Variants in RYR2 observed in about 807,000 individuals in gnomAD.
RYR2 encodes ryanodine receptor 2, also known as cardiac muscle ryanodine receptor-calcium release channel.
RYR2 carries 227 observed loss-of-function variants against 601.1 expected under a neutral mutation model. The observed-to-expected ratio is 0.38, with a 90% confidence interval of 0.34 to 0.42. The LOEUF is 0.42. Ranked by LOEUF, RYR2 falls within the 10% of genes least tolerant of loss-of-function variation. RYR2 has a pLI of 1.00. For synonymous variants in RYR2, 2,223 were observed against 2,175.1 expected (o/e 1.02, Z -0.61); for missense variants, 4,646 against 6,156.5 (o/e 0.75, Z 8.21).
chr1:237,190,449 G>A (rs1010692674), intron 1 of RYR2, among the ~76,000 whole-genome samples: 12 of 151,984 alleles, frequency 7.9e-5, no homozygotes, highest in African/African-American at 2.7e-4. Context: ...TCAAAATCAG[G>A]GTTTTTTGGT....
intron 1 of RYR2, among the ~76,000 whole-genome samples, chr1:237,098,303 T>C (rs1218035463): frequency 6.6e-6 from 1 of 152,164 alleles, no homozygotes; most frequent in Non-Finnish European, 1.5e-5. Context: ...AATGTACATA[T>C]GATGTTTTGA....
At chr1:237,581,043 A>T (rs1673861609) in intron 29 of RYR2, among the ~76,000 whole-genome samples, 1 of 152,192 alleles carries the variant, frequency 6.6e-6, no homozygotes, top group Non-Finnish European at 1.5e-5. Flanking sequence ...TGCATCCCCT[A>T]CTAAGCTAGT....
intron 2 of RYR2, among the ~76,000 whole-genome samples, chr1:237,330,131 A>G (rs920753081): frequency 6.6e-6 from 1 of 152,180 alleles, no homozygotes; most frequent in African/African-American, 2.4e-5. Context: ...TTAGAAATGA[A>G]TGTATGAGAG....
intron 8 of RYR2, among the ~76,000 whole-genome samples, chr1:237,378,355 T>G (rs1432296875): frequency 6.6e-6 from 1 of 152,184 alleles, no homozygotes; most frequent in Non-Finnish European, 1.5e-5. Context: ...ACTTATTTAG[T>G]AAGTTGTAGT....
chr1:237,239,439 A>G (rs970424133), intron 1 of RYR2, among the ~76,000 whole-genome samples: 5 of 152,156 alleles, frequency 3.3e-5, no homozygotes, highest in African/African-American at 4.8e-5. Flanking sequence ...CACAGAGCCT[A>G]AAAGATTGGT....
At chr1:237,757,627 A>G in intron 81 of RYR2, 70 bp from the exon 82 acceptor site, 1 of 976,418 alleles carries the variant, frequency 1.0e-6, no homozygotes, top group Non-Finnish European at 1.7e-6. Flanking sequence ...AAAGTGCAGC[A>G]TTGGAGGTAG....
chr1:237,730,513 C>A (rs1424688755), intron 77 of RYR2, among the ~76,000 whole-genome samples, 157 bp downstream of exon 77: 7 of 152,060 alleles, frequency 4.6e-5, no homozygotes, highest in Admixed American at 4.6e-4. Flanking sequence ...GCATTCAATG[C>A]TTATGGGAAA....
At chr1:237,487,215 A>G (rs765998209) in intron 17 of RYR2, among the ~76,000 whole-genome samples, 1 of 152,128 alleles carries the variant, frequency 6.6e-6, no homozygotes, top group African/African-American at 2.4e-5. Flanking sequence ...TGATATTATA[A>G]TCTTCATTAA....
intron 34 of RYR2, among the ~76,000 whole-genome samples, chr1:237,600,769 A>G (rs1676414554): frequency 6.6e-6 from 1 of 152,204 alleles, no homozygotes; most frequent in Non-Finnish European, 1.5e-5. Context: ...AATCTGATTT[A>G]AAAGGGGGCA....
At chr1:237,203,164 C>G (rs1354693534) in intron 1 of RYR2, among the ~76,000 whole-genome samples, 1 of 152,034 alleles carries the variant, frequency 6.6e-6, no homozygotes, top group Non-Finnish European at 1.5e-5. Flanking sequence ...CACACACACC[C>G]CACCCACCCA....
At chr1:237,341,430 A>T (rs1697769139) in intron 3 of RYR2, among the ~76,000 whole-genome samples, 1 of 152,162 alleles carries the variant, frequency 6.6e-6, no homozygotes. Flanking sequence ...AAAAACAAAC[A>T]CAAAAGCAAA....
rs35984919 is a variant in RYR2 at position 237,240,665 on chromosome 1, C to CAAAAA, written c.49-29812_49-29808dup. Among the ~76,000 whole-genome samples the CAAAAA allele has an allele frequency of 3.9e-3, 214 of 55,088 alleles. 5 individuals carry two copies. Among genetic ancestry groups the CAAAAA allele is most frequent in the Middle Eastern group, 0.026 (1 of 38 alleles). 36.1% of individuals were successfully genotyped at this position (55,088 alleles called of 152,430 possible). A position where few individuals can be genotyped will look rare whatever the true frequency, so the allele number is the denominator to read the frequency against. ...GTTGTATTGCCCCCTCTATAAAAGC[C>CAAAAA]AAAAAAAAAAAAAAAAAAAAAAAAC... is the stretch of plus-strand genomic sequence containing the variant. On this transcript the variant is annotated intron_variant, in intron 1 of 104. Coordinates refer to ENST00000366574, the MANE Select transcript of RYR2 (RefSeq NM_001035.3).
intron 39 of RYR2, 47 bp from the exon 40 acceptor site, chr1:237,625,614 T>C: frequency 3.2e-6 from 5 of 1,584,062 alleles, no homozygotes; most frequent in African/African-American, 1.4e-5. Flanking sequence ...TTTGCCCAAG[T>C]GTATTCTTTA....
Position 237,610,260 on chromosome 1 carries a change from G to A in RYR2, c.4684-502G>A, listed in dbSNP as rs1389289593. Among the ~76,000 whole-genome samples the A allele has an allele frequency of 2.0e-5, 3 of 152,114 alleles. No individual in the cohort carries two copies. The highest frequency in any genetic ancestry group is 7.2e-5 in the African/African-American group (3 of 41,404). ...CCTAACATATTCTGTTTTCTTATTC[G>A]GTAGTCAGGTTTATCTGTTGAGCTT... On this transcript the variant is annotated intron_variant, in intron 35 of 104. Transcript: ENST00000366574. The surrounding 1 kb of genome is among the most constrained non-coding windows in gnomAD (Gnocchi z 4.9).
At chr1:237,154,889 C>T (rs924552740) in intron 1 of RYR2, among the ~76,000 whole-genome samples, 1 of 152,148 alleles carries the variant, frequency 6.6e-6, no homozygotes, top group African/African-American at 2.4e-5. Context: ...CTGTAGCAGG[C>T]CACCATTCTT....
At chr1:237,800,081 A>C (rs1659779976) in intron 97 of RYR2, 5 of 152,214 alleles carry the variant, frequency 3.3e-5, no homozygotes, top group Non-Finnish European at 7.3e-5. Context: ...TACGGGTGAG[A>C]AATGAGTGCT....
In RYR2 at chr1:237,768,062, A is replaced by G. The variant is rs1164062257; in HGVS notation, c.11477-2745A>G. Among the ~76,000 whole-genome samples the G allele has an allele frequency of 2.0e-5, 3 of 152,236 alleles. No individual in the cohort carries two copies. The East Asian group carries it at 5.8e-4, about 29-fold the overall frequency. ...CTAATTCACCAATTGTAGGTAGAAT[A>G]GTAGCCTTTAAAAATTTGTTAACTT... On this transcript the variant is annotated intron_variant, in intron 84 of 104. Coordinates refer to ENST00000366574, the MANE Select transcript of RYR2 (RefSeq NM_001035.3).
At chr1:237,282,385 A>AT (rs1284468095) in intron 2 of RYR2, among the ~76,000 whole-genome samples, 1 of 151,852 alleles carries the variant, frequency 6.6e-6, no homozygotes, top group Non-Finnish European at 1.5e-5. Flanking sequence ...GCCATAAAAT[A>AT]TTTTTTTCTT....
chr1:237,258,427 G>T (rs984380060), intron 1 of RYR2, among the ~76,000 whole-genome samples: 2 of 152,082 alleles, frequency 1.3e-5, no homozygotes, highest in African/African-American at 4.8e-5. Flanking sequence ...TCAGGATGCT[G>T]CCTGGGAATC....
Sources: allele counts gnomAD v4.1 joint callset (sites outside exome capture counted in the v4.1 genomes callset), GRCh38; gene constraint gnomAD v4.1.1; non-coding constraint Gnocchi (gnomAD v3.1); transcripts MANE v1.5; gene names NCBI Gene and HGNC (gene_info 2026-07-23, HGNC 2026-07-21).